The following SPTB variants were observed in gnomAD, a reference collection of about 807,000 sequenced individuals.
SPTB encodes the protein spectrin beta, erythrocytic.
Under a neutral mutation model 256.2 loss-of-function variants are expected in SPTB, and 45 were observed. The observed-to-expected ratio is 0.18, with a 90% CI of 0.14 to 0.23. The LOEUF (loss-of-function observed/expected upper bound fraction) is 0.23. SPTB is among the 10% of genes least tolerant of loss of function. The pLI is 1.00. For synonymous variants in SPTB, 1,231 were observed against 1,243.1 expected (o/e 0.99, Z 0.21); for missense variants, 2,715 against 3,040.4 (o/e 0.89, Z 2.52).
At chr14:64,814,390 T>G (rs1464793214) in intron 2 of SPTB, among the ~76,000 whole-genome samples, 1 of 152,208 alleles carries the variant, frequency 6.6e-6, no homozygotes. Flanking sequence ...GACATTAAAG[T>G]GTCTATATGA....
Position 64,816,129 on chromosome 14 carries a change from A to G in SPTB, c.148+6818T>C, listed in dbSNP as rs1402839727. 6.6e-6 allele frequency among the ~76,000 whole-genome samples: 1 copy of G among 152,104 alleles called. No individual in the cohort carries two copies. Among genetic ancestry groups the G allele is most frequent in the Non-Finnish European group, 1.5e-5 (1 of 67,992 alleles). On this transcript the variant is annotated intron_variant, in intron 2 of 35. Transcript: ENST00000644917. This position sits in a 1 kb window ranked among gnomAD's most constrained non-coding sequence, Gnocchi z 4.2. ...TCTAACCGTGTCATTTCCCTGCTGA[A>G]AGTACTTTGATGGGCTGGCAGCAGC...
At chr14:64,835,395 G>A (rs185518887) in intron 1 of SPTB, among the ~76,000 whole-genome samples, 8 of 152,268 alleles carry the variant, frequency 5.3e-5, no homozygotes, top group South Asian at 2.1e-4. Context: ...ACAGGCACTC[G>A]CCACCTTGTC....
At chr14:64,810,444 C>T (rs1594801703) in intron 2 of SPTB, among the ~76,000 whole-genome samples, 1 of 152,174 alleles carries the variant, frequency 6.6e-6, no homozygotes, top group Non-Finnish European at 1.5e-5. Flanking sequence ...TTTTGGGATG[C>T]TAAAGCAGGT....
Position 64,772,925 on chromosome 14 carries a change from G to C in SPTB, c.5208C>G (p.Ala1736=), listed in dbSNP as rs2082300502. The C allele has an allele frequency of 6.2e-7, 1 of 1,603,644 alleles. No individual in the cohort carries two copies. The part of the protein sequence containing the change: ...TLLRDKFRDF[A]RETGAIGQER... ...CCTGCCCAATCGCCCCGGTCTCCCG[G>C]GCAAAGTCCCGGAACTTGTCCCGCA... Residue 1736 remains alanine, a synonymous_variant, in exon 26 of 36, where the codon GCC becomes GCG. Transcript: ENST00000644917. The surrounding 1 kb of genome is among the most constrained non-coding windows in gnomAD (Gnocchi z 5.4).
At chr14:64,862,593 C>A (rs958654601) in intron 1 of SPTB, among the ~76,000 whole-genome samples, 18 of 152,038 alleles carry the variant, frequency 1.2e-4, no homozygotes, top group African/African-American at 4.1e-4. Flanking sequence ...AAGGTGGTGG[C>A]CTGGGCGCGG....
In SPTB at chr14:64,759,665, G is replaced by A. The variant is rs1441645300; in HGVS notation, c.6346-5872C>T. On this transcript the variant is annotated intron_variant, in intron 32 of 35. Coordinates refer to ENST00000644917, the MANE Select transcript of SPTB (RefSeq NM_001355436.2). The surrounding 1 kb of genome is among the most constrained non-coding windows in gnomAD (Gnocchi z 4.8). ...TTCTGCCCAAAGGCAGCATATGGAG[G>A]AGCTGATCTGAGGTTCCCTTCCACC... Among the ~76,000 whole-genome samples the A allele has an allele frequency of 6.6e-6, 1 of 152,226 alleles. No individual in the cohort carries two copies. The highest frequency in any genetic ancestry group is 1.5e-5 in the Non-Finnish European group (1 of 68,046).
intron 3 of SPTB, among the ~76,000 whole-genome samples, chr14:64,804,239 T>C (rs1319814547): frequency 2.6e-5 from 4 of 152,204 alleles, no homozygotes; most frequent in Admixed American, 6.5e-5. Flanking sequence ...GGGTTCCCCA[T>C]GGGTAACTCT....
Position 64,786,927 on chromosome 14 carries a change from G to A in SPTB, c.3038C>T (p.Ala1013Val). Residue 1013 changes from alanine to valine, a missense_variant, in exon 16 of 36, where the codon GCC becomes GTC. By Grantham distance (64) the Ala-to-Val change is moderately conservative. Around this residue, in one of 4 missense-constraint regions of SPTB, gnomAD observed 2,239 missense variants for 2,384.4 expected, o/e 0.94. Transcript: ENST00000644917. The surrounding 1 kb of genome is among the most constrained non-coding windows in gnomAD (Gnocchi z 5.6). Reference sequence around the variant, plus strand: ...CAGCTGCTGGGACTCACGCTCCAGGGCATCCACACGGGCCTGGATGGCGGC... The same window carrying A: ...CAGCTGCTGGGACTCACGCTCCAGGACATCCACACGGGCCTGGATGGCGGC... ...DVAAIQARVD[A>V]LERESQQLMD... is the part of the protein sequence containing the mutation. The A allele has an allele frequency of 6.2e-7, 1 of 1,613,264 alleles. No homozygotes were observed. Among genetic ancestry groups the A allele is most frequent in the Non-Finnish European group, 8.5e-7 (1 of 1,180,000 alleles).
chr14:64,855,300 A>G (rs917187730), intron 1 of SPTB, among the ~76,000 whole-genome samples: 3 of 152,258 alleles, frequency 2.0e-5, no homozygotes, highest in African/African-American at 7.2e-5. Context: ...AGGGTGGATC[A>G]ACAGAGGACA....
chr14:64,841,134 T>A lies in SPTB; in HGVS notation c.-51-17989A>T, dbSNP rs566400536. Among the ~76,000 whole-genome samples the A allele has an allele frequency of 1.3e-5, 2 of 152,194 alleles. No individual in the cohort carries two copies. The highest frequency in any genetic ancestry group is 2.9e-5 in the Non-Finnish European group (2 of 68,038). On this transcript the variant is annotated intron_variant, in intron 1 of 35. Coordinates refer to ENST00000644917, the MANE Select transcript of SPTB (RefSeq NM_001355436.2). This position sits in a 1 kb window ranked among gnomAD's most constrained non-coding sequence, Gnocchi z 4.6. ...ATTGGATTTTGTAAACCCCATTACA[T>A]TGACTCCTCAGAACAACGCTGAGTA...
chr14:64,853,145 G>A lies in SPTB; in HGVS notation c.-52+26647C>T, dbSNP rs1462754523. Among the ~76,000 whole-genome samples, 1 of 152,224 alleles carries A rather than the reference G, an allele frequency of 6.6e-6. No homozygotes were observed. The highest frequency in any genetic ancestry group is 1.9e-4 in the East Asian group (1 of 5,180). The stretch of plus-strand genomic sequence containing the variant: ...GTGCAAAGCCAACAGTAAAAGTCCT[G>A]GACATCCCATGGGATATCTGGGTGG... On this transcript the variant is annotated intron_variant, in intron 1 of 35. Transcript: ENST00000644917. This position sits in a 1 kb window ranked among gnomAD's most constrained non-coding sequence, Gnocchi z 4.3.
intron 23 of SPTB, among the ~76,000 whole-genome samples, chr14:64,774,784 G>A (rs1476175895): frequency 6.6e-6 from 1 of 152,090 alleles, no homozygotes; most frequent in Non-Finnish European, 1.5e-5. Context: ...CTGTCCCCAT[G>A]AAAACATCCT....
intron 33 of SPTB, among the ~76,000 whole-genome samples, chr14:64,752,717 G>A (rs754839129): frequency 6.6e-6 from 1 of 152,116 alleles, no homozygotes; most frequent in Non-Finnish European, 1.5e-5. Context: ...AGGGCAATTG[G>A]GCCCCCAAAT....
In SPTB at chr14:64,772,580, C is replaced by A. The variant is rs377094747; in HGVS notation, c.5553G>T (p.Gln1851His). The change falls in exon 26 of 36, where the codon CAG (glutamine) becomes CAT (histidine). Residue 1851 changes from glutamine (Q) to histidine (H), a missense_variant and splice_region_variant. Transcript: ENST00000644917. The surrounding 1 kb of genome is among the most constrained non-coding windows in gnomAD (Gnocchi z 5.4). The stretch of plus-strand genomic sequence containing the variant: ...GTGGGCGGCAGGGGGCTGAAGGTAC[C>A]TGGACACCCAGCAGGTGGAGCTCCC... ...FERELHLLGV[Q>H]VQQFQDVATR... is the part of the protein sequence containing the mutation. 2.5e-5 allele frequency: 40 copies of A among 1,606,092 alleles called. No homozygotes were observed. The highest frequency in any genetic ancestry group is 3.2e-5 in the Non-Finnish European group (38 of 1,179,886).
In SPTB at chr14:64,795,632, A is replaced by G. The variant is rs752448028; in HGVS notation, c.1349T>C (p.Phe450Ser). The G allele has an allele frequency of 2.5e-6, 4 of 1,613,782 alleles. No individual in the cohort carries two copies. The highest frequency in any genetic ancestry group is 3.4e-6 in the Non-Finnish European group (4 of 1,179,968). Residue 450 changes from phenylalanine (F) to serine (S), a missense_variant, in exon 12 of 36, where the codon TTT becomes TCT. Transcript: ENST00000644917. The surrounding 1 kb of genome is among the most constrained non-coding windows in gnomAD (Gnocchi z 6.5). ...ENQRLVAQDN[F>S]GYDLAAVEAA... ...CTCCACAGCTGCCAGGTCATACCCAAAGTTATCCTGCCCCACCGGGAGAAA... is the reference window on the plus strand; with the variant it reads ...CTCCACAGCTGCCAGGTCATACCCAGAGTTATCCTGCCCCACCGGGAGAAA...
Position 64,779,052 on chromosome 14 carries a change from T to C in SPTB, c.4563+105A>G, listed in dbSNP as rs1474652143. On this transcript the variant is annotated intron_variant, in intron 22 of 35. Transcript: ENST00000644917. The surrounding 1 kb of genome is among the most constrained non-coding windows in gnomAD (Gnocchi z 4.2). ...CCAAAGCTACCAACAAGAACAATAA[T>C]CTGCTGTTGCTAGCCTTCTGCAGGT... 1 of 829,238 alleles carries C rather than the reference T, an allele frequency of 1.2e-6. No individual in the cohort carries two copies. The highest frequency in any genetic ancestry group is 2.0e-6 in the Non-Finnish European group (1 of 494,908). 51.4% of individuals were successfully genotyped at this position (829,238 alleles called of 1,614,324 possible). A position where few individuals can be genotyped will look rare whatever the true frequency, so the allele number is the denominator to read the frequency against.
intron 4 of SPTB, among the ~76,000 whole-genome samples, chr14:64,803,031 G>A (rs751461891): frequency 1.3e-5 from 2 of 152,184 alleles, no homozygotes; most frequent in Non-Finnish European, 2.9e-5. Context: ...CGGACATGCG[G>A]GGCCACTTGG....
chr14:64,786,293 G>A lies in SPTB; in HGVS notation c.3561+111C>T. Reference sequence around the variant, plus strand: ...GATTTCCCCCATGAGTGAATACAGAGTACAAGACAAGAGTAATGTGGTCCC... The same window carrying A: ...GATTTCCCCCATGAGTGAATACAGAATACAAGACAAGAGTAATGTGGTCCC... On this transcript the variant is annotated intron_variant, in intron 16 of 35. Transcript: ENST00000644917. This position sits in a 1 kb window ranked among gnomAD's most constrained non-coding sequence, Gnocchi z 5.6. 7.0e-7 allele frequency: 1 copy of A among 1,422,986 alleles called. No individual in the cohort carries two copies. Among genetic ancestry groups the A allele is most frequent in the Non-Finnish European group, 9.8e-7 (1 of 1,016,816 alleles). The allele number at this position is 1,422,986 out of a possible 1,614,324, so 88.1% of individuals were successfully genotyped here. A position where few individuals can be genotyped will look rare whatever the true frequency, so the allele number is the denominator to read the frequency against.
In SPTB at chr14:64,853,009, G is replaced by A. The variant is rs938680750; in HGVS notation, c.-52+26783C>T. Among the ~76,000 whole-genome samples, 5 of 152,178 alleles carry A rather than the reference G, an allele frequency of 3.3e-5. No individual in the cohort carries two copies. The highest frequency in any genetic ancestry group is 1.2e-4 in the African/African-American group (5 of 41,428). On this transcript the variant is annotated intron_variant, in intron 1 of 35. Transcript: ENST00000644917. The surrounding 1 kb of genome is among the most constrained non-coding windows in gnomAD (Gnocchi z 4.3). Reference sequence around the variant, plus strand: ...CAGGGAGGTTTTCACTAGCTTGGGGGATGTGGGGAGGCTTCCCTGAGGAAG... The same window carrying A: ...CAGGGAGGTTTTCACTAGCTTGGGGAATGTGGGGAGGCTTCCCTGAGGAAG...
Sources: gnomAD v4.1 joint callset for allele counts (sites outside exome capture counted in the v4.1 genomes callset) on GRCh38, gnomAD v4.1.1 for gene constraint, gnomAD v4.1.1 regional missense constraint, Gnocchi (gnomAD v3.1) non-coding constraint, MANE v1.5 for transcripts, NCBI Gene and HGNC (gene_info 2026-07-23, HGNC 2026-07-21) for gene names.